ATP2B4: variants seen among roughly 807,000 people sequenced by gnomAD.
ATP2B4 encodes ATPase plasma membrane Ca2+ transporting 4, also known as plasma membrane calcium-transporting ATPase 4.
Under a neutral mutation model 110.3 loss-of-function variants are expected in ATP2B4, and 39 were observed. The ratio of observed to expected loss-of-function variants is 0.35; its 90% CI spans 0.27 to 0.46. The LOEUF (loss-of-function observed/expected upper bound fraction) is 0.46, where lower values mean the gene tolerates loss of function less well. Ranked by LOEUF, ATP2B4 falls within the 20% of genes least tolerant of loss-of-function variation. The pLI is 1.00. For missense variants in ATP2B4, 1,135 were observed against 1,530.9 expected (o/e 0.74, Z 4.32); for synonymous variants, 538 against 571.7 (o/e 0.94, Z 0.84).
At chr1:203,691,187 C>G (rs1386452150) in intron 2 of ATP2B4, among the ~76,000 whole-genome samples, 2 of 152,156 alleles carry the variant, frequency 1.3e-5, no homozygotes, top group African/African-American at 4.8e-5. Context: ...TCCTGGAGCC[C>G]TTTATGCTCC....
At chr1:203,726,538 A>C (rs1453607483) in intron 19 of ATP2B4, among the ~76,000 whole-genome samples, 2 of 151,878 alleles carry the variant, frequency 1.3e-5, no homozygotes, top group African/African-American at 4.8e-5. Flanking sequence ...ACATGTGGCC[A>C]TGTGGCCTTG....
intron 1 of ATP2B4, among the ~76,000 whole-genome samples, chr1:203,640,102 G>A (rs575433527): frequency 5.3e-5 from 8 of 152,232 alleles, no homozygotes; most frequent in East Asian, 1.9e-4. Context: ...GGTATTGTAG[G>A]TAAAAGCATC....
At chr1:203,667,286 G>C (rs146112582) in intron 1 of ATP2B4, among the ~76,000 whole-genome samples, 13 of 152,296 alleles carry the variant, frequency 8.5e-5, no homozygotes, top group African/African-American at 2.9e-4. Flanking sequence ...ACAGAAGCCC[G>C]TGATCTACTG....
intron 20 of ATP2B4, among the ~76,000 whole-genome samples, chr1:203,736,826 T>C (rs1666889849): frequency 6.6e-6 from 1 of 152,172 alleles, no homozygotes; most frequent in South Asian, 2.1e-4. Context: ...GGTGGTGATA[T>C]AGTGCATGAT....
At chr1:203,693,467 G>A (rs914592317) in intron 2 of ATP2B4, among the ~76,000 whole-genome samples, 29 of 152,146 alleles carry the variant, frequency 1.9e-4, no homozygotes, top group Non-Finnish European at 4.0e-4. Flanking sequence ...GGAACACATA[G>A]ATGAGTAGAA....
intron 20 of ATP2B4, among the ~76,000 whole-genome samples, chr1:203,730,341 G>T (rs1221521437): frequency 1.3e-5 from 2 of 151,238 alleles, no homozygotes; most frequent in East Asian, 3.9e-4. Context: ...ATTTCCAGCG[G>T]GACCTACACA....
Position 203,739,794 on chromosome 1 carries a change from C to G in ATP2B4, c.3558C>G (p.Cys1186Trp). 1 of 1,614,200 alleles carries G rather than the reference C, an allele frequency of 6.2e-7. No homozygotes were observed. The highest frequency in any genetic ancestry group is 8.5e-7 in the Non-Finnish European group (1 of 1,180,032). Residue 1186 changes from cysteine (C) to tryptophan (W), a missense_variant, in exon 21 of 21, where the codon TGC (cysteine) becomes TGG (tryptophan). By Grantham distance (215) the Cys-to-Trp change is radical. Coordinates refer to ENST00000357681, the MANE Select transcript of ATP2B4 (RefSeq NM_001684.5). ...ATACAAACAACAATGCGGTGGATTGCAACCAAGTGCAGCTCCCCCAGTCGG... is the reference window on the plus strand; with the variant it reads ...ATACAAACAACAATGCGGTGGATTGGAACCAAGTGCAGCTCCCCCAGTCGG... ...YANTNNNAVD[C>W]NQVQLPQSDS...
intron 7 of ATP2B4, 55 bp from the exon 8 acceptor site, chr1:203,703,597 C>T: frequency 6.4e-7 from 1 of 1,565,798 alleles, no homozygotes; most frequent in Non-Finnish European, 8.7e-7. Flanking sequence ...ACCTGCCTGC[C>T]ACTCAGTGCT....
At position 203,742,482 on chromosome 1, in the gene ATP2B4, C is replaced by G. The variant is rs1182727984; in HGVS notation, c.*2628C>G. On this transcript the variant is annotated 3_prime_UTR_variant, in exon 21 of 21. Transcript: ENST00000357681. ...TGGCATAAGTTAATAACACTTTTCC[C>G]CAAAATGGTGCTTTGGATTTGAAAA... 6.6e-6 allele frequency: 1 copy of G among 152,540 alleles called. No individual in the cohort carries two copies. The allele number at this position is 152,540 out of a possible 1,614,324, so 9.4% of individuals were successfully genotyped here. A position where few individuals can be genotyped will look rare whatever the true frequency, so the allele number is the denominator to read the frequency against.
chr1:203,684,409 G>A (rs1665115830), intron 2 of ATP2B4, among the ~76,000 whole-genome samples: 1 of 148,928 alleles, frequency 6.7e-6, no homozygotes, highest in African/African-American at 2.5e-5. Context: ...AGGCTGGAGT[G>A]CAGTGGAATG....
intron 2 of ATP2B4, among the ~76,000 whole-genome samples, chr1:203,693,103 C>A (rs563416223): frequency 1.2e-4 from 18 of 152,302 alleles, no homozygotes; most frequent in African/African-American, 4.1e-4. Context: ...GTTTTCCTTC[C>A]CCTCTCCAGG....
rs1310329097 is a variant in ATP2B4, at chr1:203,740,956, G to C, written c.*1102G>C. 9.9e-5 allele frequency: 15 copies of C among 152,272 alleles called. No homozygotes were observed. Among genetic ancestry groups the C allele is most frequent in the Admixed American group, 9.2e-4 (14 of 15,278 alleles). The allele number at this position is 152,272 out of a possible 1,614,324, so 9.4% of individuals were successfully genotyped here. ...AGGCTCTCCAGGGCAGGACCTGACT[G>C]GTGGGGAATGAGTGTTCAGAAGCCT... On this transcript the variant is annotated 3_prime_UTR_variant, in exon 21 of 21. Coordinates refer to ENST00000357681, the MANE Select transcript of ATP2B4 (RefSeq NM_001684.5).
At chr1:203,667,632 G>A (rs11240708) in intron 1 of ATP2B4, among the ~76,000 whole-genome samples, 109,837 of 152,194 alleles carry the variant, frequency 0.72, 43,215 homozygotes, top group Non-Finnish European at 0.88. Context: ...AGGGAGCTGC[G>A]ATGATTAACT....
chr1:203,719,225 GAAAAAA>G (rs60841821), intron 15 of ATP2B4, among the ~76,000 whole-genome samples: 2 of 54,378 alleles, frequency 3.7e-5, no homozygotes, highest in Admixed American at 2.1e-4. Flanking sequence ...ACCCTGTCTC[GAAAAAA>G]AAAAAAAAAA....
intron 15 of ATP2B4, among the ~76,000 whole-genome samples, chr1:203,720,054 G>A (rs968756493): frequency 6.6e-5 from 10 of 152,142 alleles, no homozygotes; most frequent in African/African-American, 2.4e-4. Context: ...CCTGGACAAA[G>A]CAAGACCTTG....
chr1:203,724,934 T>C lies in ATP2B4; in HGVS notation c.3132+946T>C, dbSNP rs1170697774. On this transcript the variant is annotated intron_variant, in intron 19 of 20. Transcript: ENST00000357681. The stretch of plus-strand genomic sequence containing the variant: ...CTCTGTCACCCAGGCTGGAGTGCAG[T>C]TGTGTGATCTCGGCTCACTGCAAAC... 2.7e-5 allele frequency among the ~76,000 whole-genome samples: 4 copies of C among 147,140 alleles called. No homozygotes were observed. In the Admixed American group the frequency reaches 2.8e-4, roughly 10 times the overall value.
At chr1:203,684,353 A>ATTTTTT (rs56376451) in intron 2 of ATP2B4, among the ~76,000 whole-genome samples, 4 of 125,434 alleles carry the variant, frequency 3.2e-5, no homozygotes, top group Non-Finnish European at 6.8e-5. Flanking sequence ...CCCCATCTCT[A>ATTTTTT]TTTTTTTTTT....
In ATP2B4 at chr1:203,687,498, G is replaced by C. The variant is rs570681260; in HGVS notation, c.193+4100G>C. 1.2e-4 allele frequency among the ~76,000 whole-genome samples: 18 copies of C among 152,322 alleles called. No individual in the cohort carries two copies. In the East Asian group the frequency reaches 2.1e-3, roughly 18 times the overall value. On this transcript the variant is annotated intron_variant, in intron 2 of 20. Transcript: ENST00000357681. ...AATTTTGTCATTGTGGGAGGTCCCA[G>C]TGGACCAATAATAAGAATAAAGAAA... is the stretch of plus-strand genomic sequence containing the variant.
At chr1:203,706,771 A>G (rs1558043313) in intron 8 of ATP2B4, among the ~76,000 whole-genome samples, 1 of 152,198 alleles carries the variant, frequency 6.6e-6, no homozygotes, top group Non-Finnish European at 1.5e-5. Context: ...CAAAGCCACA[A>G]GTCAAGTTAG....
Sources: allele counts gnomAD v4.1 joint callset (sites outside exome capture counted in the v4.1 genomes callset), GRCh38; gene constraint gnomAD v4.1.1; transcripts MANE v1.5; gene names NCBI Gene and HGNC (gene_info 2026-07-23, HGNC 2026-07-21).